The following CTDP1 variants were observed in gnomAD, a reference collection of about 807,000 sequenced individuals.
CTDP1 encodes the protein RNA polymerase II subunit A C-terminal domain phosphatase.
CTDP1 carries 47 observed loss-of-function variants against 91.8 expected under a neutral mutation model. The ratio of observed to expected loss-of-function variants is 0.51; its 90% CI spans 0.41 to 0.65. The LOEUF is 0.65. Among genes scored for constraint, CTDP1 ranks in the 30% least tolerant of loss-of-function variants. The pLI is 0.00. For missense variants in CTDP1, 1,272 were observed against 1,373.7 expected (o/e 0.93, Z 1.17); for synonymous variants, 656 against 598.5 (o/e 1.10, Z -1.40).
At position 79,715,015 on chromosome 18, in the gene CTDP1, C is replaced by T. The variant is rs769276051; in HGVS notation, c.1555C>T (p.Pro519Ser). ...ACCGAGTCTCCCCGGAGAGGCCGAG[C>T]CTGGCGCGCATGCCCCGGACAAGGA... ...AAPSLPGEAE[P>S]GAHAPDKEPE... The change falls in exon 8 of 13, where the codon CCT becomes TCT. Residue 519 changes from proline to serine, a missense_variant. Pro to Ser is a moderately conservative substitution (Grantham distance 74). Coordinates refer to ENST00000613122, the MANE Select transcript of CTDP1 (RefSeq NM_004715.5). 7 of 1,596,796 alleles carry T rather than the reference C, an allele frequency of 4.4e-6. No homozygotes were observed. The highest frequency in any genetic ancestry group is 2.3e-5 in the South Asian group (2 of 88,664).
chr18:79,736,417 G>A lies in CTDP1; in HGVS notation c.2643G>A (p.Glu881=), dbSNP rs1599300757. The A allele has an allele frequency of 3.9e-6, 6 of 1,549,512 alleles. No homozygotes were observed. Among genetic ancestry groups the A allele is most frequent in the Non-Finnish European group, 5.2e-6 (6 of 1,146,992 alleles). The change falls in exon 12 of 13, where the codon GAG becomes GAA. Residue 881 remains glutamate (E), a synonymous_variant. Transcript: ENST00000613122. ...DSDSEKRRPE[E]QEEEPQPRKP... The stretch of plus-strand genomic sequence containing the variant: ...ACAGCGAGAAGAGGAGGCCTGAGGA[G>A]CAGGAGGAGGAGCCCCAGCCCCGGA...
intron 1 of CTDP1, among the ~76,000 whole-genome samples, chr18:79,688,953 G>A (rs1242224629): frequency 6.6e-6 from 1 of 152,252 alleles, no homozygotes; most frequent in African/African-American, 2.4e-5. Flanking sequence ...TGCTGAGTTT[G>A]CTTATCTTTC....
intron 1 of CTDP1, among the ~76,000 whole-genome samples, chr18:79,688,650 T>C (rs527607877): frequency 2.6e-5 from 4 of 152,138 alleles, no homozygotes; most frequent in Non-Finnish European, 5.9e-5. Flanking sequence ...CCCACCTGCC[T>C]TGGCTTCCCA....
intron 10 of CTDP1, among the ~76,000 whole-genome samples, chr18:79,718,578 G>A (rs1047825400): frequency 6.6e-6 from 1 of 152,142 alleles, no homozygotes; most frequent in African/African-American, 2.4e-5. Flanking sequence ...TGCAGGCCCT[G>A]AGGGATGCTT....
rs753011609 is a variant in CTDP1, at chr18:79,717,516, G to A, written c.2069-19G>A. ...CCAGTGCTGGCCGGAACAGCCTGAC[G>A]CAGCCGGGTCTCCTGCAGGCACAGA... On this transcript the variant is annotated intron_variant, in intron 8 of 12. Transcript: ENST00000613122. 2.5e-6 allele frequency: 4 copies of A among 1,611,470 alleles called. No individual in the cohort carries two copies. The African/African-American group carries it at 4.0e-5, about 16-fold the overall frequency.
chr18:79,728,932 A>G lies in CTDP1; in HGVS notation c.2443A>G (p.Met815Val). The G allele has an allele frequency of 1.9e-6, 3 of 1,614,100 alleles. No individual in the cohort carries two copies. Among genetic ancestry groups the G allele is most frequent in the Non-Finnish European group, 2.5e-6 (3 of 1,180,016 alleles). The change falls in exon 11 of 13, where the codon ATG becomes GTG. Residue 815 changes from methionine to valine, a missense_variant. Transcript: ENST00000613122. ...AGCGGTTCCGCCACCCCAGCCGCAG[A>G]TGTTTGGTGAAGAGCTGCCTGACGC... ...FRAVPPPQPQ[M>V]FGEELPDAQD...
intron 6 of CTDP1, 88 bp from the exon 7 acceptor site, chr18:79,712,884 T>C: frequency 4.9e-6 from 7 of 1,414,396 alleles, no homozygotes; most frequent in South Asian, 1.2e-5. Context: ...TACATGTGGA[T>C]TAGAATCTTA....
chr18:79,698,052 G>T, intron 4 of CTDP1, 64 bp downstream of exon 4: 1 of 1,598,790 alleles, frequency 6.3e-7, no homozygotes, highest in Non-Finnish European at 8.5e-7. Flanking sequence ...TTTTGATTCA[G>T]AAGTGTGTTC....
Position 79,754,027 on chromosome 18 carries a change from A to G in CTDP1, c.*237A>G, listed in dbSNP as rs991420211. The G allele has an allele frequency of 6.7e-6, 4 of 594,192 alleles. No homozygotes were observed. The highest frequency in any genetic ancestry group is 1.9e-5 in the African/African-American group (1 of 53,660). 36.8% of individuals were successfully genotyped at this position (594,192 alleles called of 1,614,324 possible). ...TTAAAGGCCCAGGTGTGCTGTGCCA[A>G]AGAGCTCAGCAGAGGCTCACGTGGC... On this transcript the variant is annotated 3_prime_UTR_variant, in exon 13 of 13. Coordinates refer to ENST00000613122, the MANE Select transcript of CTDP1 (RefSeq NM_004715.5).
At chr18:79,699,456 G>A (rs1477653189) in intron 4 of CTDP1, among the ~76,000 whole-genome samples, 3 of 151,996 alleles carry the variant, frequency 2.0e-5, no homozygotes, top group Admixed American at 2.0e-4. Flanking sequence ...GTAGAGACGG[G>A]GTTTCACCGT....
rs9945280 is a variant in CTDP1 at position 79,710,582 on chromosome 18, G to A, written c.863+146G>A. The A allele has an allele frequency of 2.6e-3, 1,665 of 647,600 alleles. 13 individuals are homozygous for A. The highest frequency in any genetic ancestry group is 0.023 in the African/African-American group (1,242 of 54,912). 40.1% of individuals were successfully genotyped at this position (647,600 alleles called of 1,614,324 possible). A position where few individuals can be genotyped will look rare whatever the true frequency, so the allele number is the denominator to read the frequency against. On this transcript the variant is annotated intron_variant, in intron 6 of 12. Transcript: ENST00000613122. Reference sequence around the variant, plus strand: ...GTTGCCCAGGCTAGAGTGCAGTGGCGCGATCTCGGCTCACTGCAAGCTCTG... The same window carrying A: ...GTTGCCCAGGCTAGAGTGCAGTGGCACGATCTCGGCTCACTGCAAGCTCTG...
chr18:79,705,142 C>T (rs912740780), intron 5 of CTDP1, among the ~76,000 whole-genome samples: 4 of 152,050 alleles, frequency 2.6e-5, no homozygotes, highest in African/African-American at 9.7e-5. Flanking sequence ...CTGGGTGGGC[C>T]GCTTTGGGAG....
At chr18:79,710,260 A>T in intron 5 of CTDP1, 86 bp from the exon 6 acceptor site, 4 of 1,074,666 alleles carry the variant, frequency 3.7e-6, no homozygotes, top group South Asian at 1.3e-5. Context: ...CTGCCACTTT[A>T]AAAAAAACAT....
chr18:79,747,379 G>A lies in CTDP1; in HGVS notation c.2748-6273G>A, dbSNP rs150108126. On this transcript the variant is annotated intron_variant, in intron 12 of 12. Transcript: ENST00000613122. ...CCAGAGCTGTGGCATCCCCGCTGGGGCCCTGCGGGAACTGGGACTCAGGTG... is the reference window on the plus strand; with the variant it reads ...CCAGAGCTGTGGCATCCCCGCTGGGACCCTGCGGGAACTGGGACTCAGGTG... 1.6e-3 allele frequency among the ~76,000 whole-genome samples: 243 copies of A among 152,340 alleles called. 1 individual carries two copies. Among genetic ancestry groups the A allele is most frequent in the African/African-American group, 5.4e-3 (223 of 41,584 alleles).
In CTDP1 at chr18:79,754,229, C is replaced by G. The variant is rs1599335382; in HGVS notation, c.*439C>G. 4.2e-6 allele frequency: 1 copy of G among 239,760 alleles called. No homozygotes were observed. The highest frequency in any genetic ancestry group is 8.4e-6 in the Non-Finnish European group (1 of 119,418). The allele number at this position is 239,760 out of a possible 1,614,324, so 14.9% of individuals were successfully genotyped here. ...GCCCAGCACAGACATGCCTGGAACC[C>G]CCGCCGCCTGCTGCTCCCTCCTAGG... On this transcript the variant is annotated 3_prime_UTR_variant, in exon 13 of 13. Transcript: ENST00000613122.
chr18:79,736,118 C>A (rs2122781806), intron 11 of CTDP1: 2 of 590,434 alleles, frequency 3.4e-6, no homozygotes, highest in Non-Finnish European at 6.1e-6. Flanking sequence ...GAATTTAAAC[C>A]CAATCTTTGC....
intron 4 of CTDP1, among the ~76,000 whole-genome samples, chr18:79,698,349 C>T (rs1229020736): frequency 6.6e-6 from 1 of 151,944 alleles, no homozygotes; most frequent in Admixed American, 6.6e-5. Context: ...GTGGGGAGGA[C>T]GTTGGTGTTG....
At position 79,736,435 on chromosome 18, in the gene CTDP1, G is replaced by A. The variant is rs951713880; in HGVS notation, c.2661G>A (p.Gln887=). Residue 887 remains glutamine, a synonymous_variant, in exon 12 of 13, where the codon CAG becomes CAA. Transcript: ENST00000613122. The part of the protein sequence containing the change: ...RRPEEQEEEP[Q]PRKPGTRRER... ...CTGAGGAGCAGGAGGAGGAGCCCCAGCCCCGGAAGCCAGGGACCCGCAGGG... is the reference window on the plus strand; with the variant it reads ...CTGAGGAGCAGGAGGAGGAGCCCCAACCCCGGAAGCCAGGGACCCGCAGGG... The A allele has an allele frequency of 5.8e-6, 9 of 1,549,268 alleles. No individual in the cohort carries two copies. The highest frequency in any genetic ancestry group is 4.1e-5 in the African/African-American group (3 of 72,992).
intron 12 of CTDP1, among the ~76,000 whole-genome samples, chr18:79,743,042 G>A (rs371704873): frequency 2.0e-5 from 3 of 152,242 alleles, no homozygotes; most frequent in Non-Finnish European, 2.9e-5. Flanking sequence ...TAGCCGCGCC[G>A]AGGAGGGGCC....
Sources: allele counts gnomAD v4.1 joint callset (sites outside exome capture counted in the v4.1 genomes callset), GRCh38; gene constraint gnomAD v4.1.1; transcripts MANE v1.5; gene names NCBI Gene and HGNC (gene_info 2026-07-23, HGNC 2026-07-21).